EXT1: variants seen among roughly 807,000 people sequenced by gnomAD.
EXT1 encodes exostosin glycosyltransferase 1, also known as exostosin-1.
EXT1 carries 20 observed loss-of-function variants against 82.5 expected under a neutral mutation model. That is an observed-to-expected ratio of 0.24 (90% confidence interval 0.17 to 0.35). EXT1 has a LOEUF of 0.35. EXT1 is among the 10% of genes least tolerant of loss of function. The pLI is 1.00. For synonymous variants in EXT1, 348 were observed against 350.8 expected, an observed-to-expected ratio of 0.99 and a Z score of 0.09; for missense variants, 757 against 936.5, an observed-to-expected ratio of 0.81 and a Z score of 2.50.
intron 1 of EXT1, among the ~76,000 whole-genome samples, chr8:118,100,093 G>A (rs999117740): frequency 2.0e-5 from 3 of 152,128 alleles, no homozygotes; most frequent in African/African-American, 7.2e-5. Context: ...TACTGGAAAA[G>A]TCAATCCGAC....
At chr8:117,841,850 C>T (rs1339725254) in intron 1 of EXT1, among the ~76,000 whole-genome samples, 1 of 152,158 alleles carries the variant, frequency 6.6e-6, no homozygotes, top group Non-Finnish European at 1.5e-5. Flanking sequence ...CAATTGAAGT[C>T]CTGCCCCTCT....
chr8:117,972,148 CA>C (rs34241911), intron 1 of EXT1, among the ~76,000 whole-genome samples: 238 of 107,336 alleles, frequency 2.2e-3, no homozygotes, highest in Non-Finnish European at 2.5e-3. Flanking sequence ...AAAACTCCAA[CA>C]AAAAAAAAAA....
chr8:117,881,928 C>G (rs1813066252), intron 1 of EXT1, among the ~76,000 whole-genome samples: 1 of 152,150 alleles, frequency 6.6e-6, no homozygotes, highest in Non-Finnish European at 1.5e-5. Context: ...CAGGACTATC[C>G]TGGATAGAGT....
At chr8:117,897,544 G>T (rs1301308460) in intron 1 of EXT1, among the ~76,000 whole-genome samples, 1 of 149,734 alleles carries the variant, frequency 6.7e-6, no homozygotes, top group African/African-American at 2.5e-5. Context: ...CTCAGATTCA[G>T]CACTTTCCAA....
At chr8:117,848,858 G>C (rs1812408286) in intron 1 of EXT1, among the ~76,000 whole-genome samples, 1 of 152,134 alleles carries the variant, frequency 6.6e-6, no homozygotes, top group Non-Finnish European at 1.5e-5. Flanking sequence ...ATAGTCTATA[G>C]AGCAGCCAAA....
chr8:117,838,381 T>C (rs1812220433), intron 1 of EXT1, among the ~76,000 whole-genome samples: 1 of 152,208 alleles, frequency 6.6e-6, no homozygotes, highest in South Asian at 2.1e-4. Flanking sequence ...TCTATTTTTA[T>C]ATTCTCATAC....
At position 117,819,535 on chromosome 8, in the gene EXT1, T is replaced by C. The variant is rs1811885398; in HGVS notation, c.1536+141A>G. ...ATGAAAAGGGTGTAACGAGGCAGGA[T>C]GAATGAAAGGGAGTAGCAGGGTATG... is the stretch of plus-strand genomic sequence containing the variant. On this transcript the variant is annotated intron_variant, in intron 6 of 10. Transcript: ENST00000378204. 3 of 779,224 alleles carry C rather than the reference T, an allele frequency of 3.8e-6. No individual in the cohort carries two copies. In the Admixed American group the frequency reaches 5.3e-5, roughly 14 times the overall value. 48.3% of individuals were successfully genotyped at this position (779,224 alleles called of 1,614,324 possible).
chr8:118,039,810 C>A (rs1816495450), intron 1 of EXT1, among the ~76,000 whole-genome samples: 1 of 152,042 alleles, frequency 6.6e-6, no homozygotes, highest in Non-Finnish European at 1.5e-5. Context: ...ACTGAGCAGG[C>A]CTGATGATTT....
At chr8:118,000,783 A>C (rs1312014260) in intron 1 of EXT1, among the ~76,000 whole-genome samples, 2 of 151,190 alleles carry the variant, frequency 1.3e-5, no homozygotes, top group Admixed American at 6.6e-5. Context: ...CACATCATGG[A>C]TGTCAGAGTT....
chr8:117,999,649 A>G (rs1299659216), intron 1 of EXT1, among the ~76,000 whole-genome samples: 1 of 152,188 alleles, frequency 6.6e-6, no homozygotes, highest in Non-Finnish European at 1.5e-5. Context: ...CAATGCAAGG[A>G]GCTAAAATGA....
chr8:117,975,478 C>T (rs564087676), intron 1 of EXT1, among the ~76,000 whole-genome samples: 55 of 152,106 alleles, frequency 3.6e-4, no homozygotes, highest in African/African-American at 1.2e-3. Context: ...AAAGCCCTCA[C>T]CCTCACTCTA....
At chr8:118,103,709 C>T (rs1038896657) in intron 1 of EXT1, among the ~76,000 whole-genome samples, 2 of 152,146 alleles carry the variant, frequency 1.3e-5, no homozygotes, top group Non-Finnish European at 2.9e-5. Flanking sequence ...GGAAAGGTCA[C>T]ACAGACAGAA....
At chr8:117,910,561 G>C (rs1813626769) in intron 1 of EXT1, among the ~76,000 whole-genome samples, 1 of 152,184 alleles carries the variant, frequency 6.6e-6, no homozygotes, top group Non-Finnish European at 1.5e-5. Flanking sequence ...GCGACAGCCA[G>C]AGAGAAAATC....
intron 1 of EXT1, among the ~76,000 whole-genome samples, chr8:117,852,555 T>G (rs927708961): frequency 2.6e-5 from 4 of 152,200 alleles, no homozygotes; most frequent in Non-Finnish European, 4.4e-5. Flanking sequence ...TAAGACTTTA[T>G]ATGACTCTTA....
At chr8:117,889,318 T>A (rs947458090) in intron 1 of EXT1, among the ~76,000 whole-genome samples, 1 of 152,222 alleles carries the variant, frequency 6.6e-6, no homozygotes, top group African/African-American at 2.4e-5. Context: ...TAGCTATTTA[T>A]CACCCTAATC....
At chr8:117,958,474 A>G (rs536939600) in intron 1 of EXT1, among the ~76,000 whole-genome samples, 1 of 152,350 alleles carries the variant, frequency 6.6e-6, no homozygotes, top group African/African-American at 2.4e-5. Flanking sequence ...ACAATTGGAT[A>G]ATGAAGAAAC....
At chr8:118,049,123 CAGGT>C (rs1317707143) in intron 1 of EXT1, among the ~76,000 whole-genome samples, 1 of 151,964 alleles carries the variant, frequency 6.6e-6, no homozygotes, top group Non-Finnish European at 1.5e-5. Context: ...AGAAAAAAAA[CAGGT>C]AGAAGTTAAT....
At chr8:118,022,451 C>T (rs958452707) in intron 1 of EXT1, among the ~76,000 whole-genome samples, 1 of 147,480 alleles carries the variant, frequency 6.8e-6, no homozygotes, top group Non-Finnish European at 1.5e-5. Flanking sequence ...GATTCTCCTG[C>T]CTCAGCCCCC....
chr8:117,986,578 G>A (rs1317360514), intron 1 of EXT1, among the ~76,000 whole-genome samples: 1 of 152,130 alleles, frequency 6.6e-6, no homozygotes, highest in African/African-American at 2.4e-5. Flanking sequence ...TCTCTATGTG[G>A]CCACATCTCC....
Sources: allele counts gnomAD v4.1 joint callset (sites outside exome capture counted in the v4.1 genomes callset), GRCh38; gene constraint gnomAD v4.1.1; transcripts MANE v1.5; gene names NCBI Gene and HGNC (gene_info 2026-07-23, HGNC 2026-07-21).